The following ARID1B variants were observed in gnomAD, a reference collection of about 807,000 sequenced individuals.
The protein encoded by ARID1B is AT-rich interaction domain 1B, also known as AT-rich interactive domain-containing protein 1B.
Under a neutral mutation model 212.3 loss-of-function variants are expected in ARID1B, and 30 were observed. The observed-to-expected ratio is 0.14, with a 90% CI of 0.11 to 0.19. The LOEUF is 0.19. Ranked by LOEUF, ARID1B falls within the 10% of genes least tolerant of loss-of-function variation. ARID1B has a pLI of 1.00. For synonymous variants in ARID1B, 1,402 were observed against 1,301.7 expected, an observed-to-expected ratio of 1.08 and a Z score of -1.66; for missense variants, 2,891 against 3,204.0, an observed-to-expected ratio of 0.90 and a Z score of 2.36.
At chr6:156,892,043 C>CTTTTTTTTTTTTTTTTT (rs1047406340) in intron 2 of ARID1B, among the ~76,000 whole-genome samples, 1 of 115,168 alleles carries the variant, frequency 8.7e-6, no homozygotes, top group Non-Finnish European at 1.8e-5. Context: ...AGCGAATTTT[C>CTTTTTTTTTTTTTTTTT]TTTTTTTTTT....
chr6:156,992,430 C>G (rs191492006), intron 4 of ARID1B, among the ~76,000 whole-genome samples: 3 of 152,300 alleles, frequency 2.0e-5, no homozygotes, highest in Middle Eastern at 3.4e-3. Context: ...TTATCACAGC[C>G]TCTGAATTTA....
At chr6:156,793,459 G>GT (rs1780149666) in intron 1 of ARID1B, among the ~76,000 whole-genome samples, 1 of 152,060 alleles carries the variant, frequency 6.6e-6, no homozygotes, top group African/African-American at 2.4e-5. Flanking sequence ...GCTCAGCCTC[G>GT]TGAGTATCTG....
chr6:157,075,475 G>A (rs756492154), intron 4 of ARID1B, among the ~76,000 whole-genome samples: 6 of 152,150 alleles, frequency 3.9e-5, no homozygotes, highest in Non-Finnish European at 2.9e-5. Context: ...TTCTTGTCTG[G>A]TTTTTACATA....
At chr6:157,127,615 C>CA (rs879895447) in intron 6 of ARID1B, among the ~76,000 whole-genome samples, 3,115 of 142,456 alleles carry the variant, frequency 0.022, 36 homozygotes, top group African/African-American at 0.036. Context: ...ACTAAAAATA[C>CA]AAAAAAAAAA....
At chr6:156,786,612 G>A (rs1779648065) in intron 1 of ARID1B, among the ~76,000 whole-genome samples, 1 of 152,160 alleles carries the variant, frequency 6.6e-6, no homozygotes, top group Non-Finnish European at 1.5e-5. Context: ...TTACTTAAGA[G>A]CTTGTACTGG....
At chr6:156,817,632 T>TAAAA (rs551182557) in intron 1 of ARID1B, among the ~76,000 whole-genome samples, 5 of 147,528 alleles carry the variant, frequency 3.4e-5, no homozygotes, top group African/African-American at 1.2e-4. Context: ...GTCTGACTCT[T>TAAAA]AAAAAAAAAA....
intron 15 of ARID1B, among the ~76,000 whole-genome samples, chr6:157,191,410 G>A (rs534111369): frequency 5.3e-5 from 8 of 152,158 alleles, no homozygotes; most frequent in East Asian, 1.9e-4. Context: ...GGTGTGTCCC[G>A]GTGGTAAGGC....
chr6:156,872,530 A>G (rs1554261957), intron 2 of ARID1B, among the ~76,000 whole-genome samples: 1 of 152,108 alleles, frequency 6.6e-6, no homozygotes, highest in Non-Finnish European at 1.5e-5. Flanking sequence ...CATGTTGGCC[A>G]GGCTGGTGTT....
chr6:157,094,937 G>A lies in ARID1B; in HGVS notation c.2491+10032G>A, dbSNP rs1785511378. Reference sequence around the variant, plus strand: ...AAGACAGAGGAACACGTTTTTGAAGGGGAATCGAGAGTTTGGTTTTAAACA... The same window carrying A: ...AAGACAGAGGAACACGTTTTTGAAGAGGAATCGAGAGTTTGGTTTTAAACA... On this transcript the variant is annotated intron_variant, in intron 5 of 19. Coordinates refer to ENST00000636930, the MANE Select transcript of ARID1B (RefSeq NM_001374828.1). This position sits in a 1 kb window ranked among gnomAD's most constrained non-coding sequence, Gnocchi z 4.3. Among the ~76,000 whole-genome samples the A allele has an allele frequency of 6.6e-6, 1 of 152,164 alleles. No homozygotes were observed. The highest frequency in any genetic ancestry group is 1.5e-5 in the Non-Finnish European group (1 of 68,034).
At chr6:157,157,705 C>T (rs962685239) in intron 8 of ARID1B, among the ~76,000 whole-genome samples, 4 of 152,138 alleles carry the variant, frequency 2.6e-5, no homozygotes, top group Non-Finnish European at 4.4e-5. Flanking sequence ...TTTTGAACTC[C>T]ATTTCTGCCA....
chr6:157,004,381 C>T (rs1377368720), intron 4 of ARID1B, among the ~76,000 whole-genome samples: 2 of 152,208 alleles, frequency 1.3e-5, no homozygotes, highest in Admixed American at 1.3e-4. Flanking sequence ...TTTTGCAGCC[C>T]TGAAATGTTA....
intron 2 of ARID1B, among the ~76,000 whole-genome samples, chr6:156,863,130 A>G (rs1785449531): frequency 6.6e-6 from 1 of 152,160 alleles, no homozygotes; most frequent in Admixed American, 6.5e-5. Context: ...ATGTTAGGTC[A>G]CTTTTTAACC....
At chr6:156,847,612 A>G (rs1784316621) in intron 2 of ARID1B, among the ~76,000 whole-genome samples, 1 of 152,140 alleles carries the variant, frequency 6.6e-6, no homozygotes, top group Admixed American at 6.5e-5. Context: ...ATGAGAGCAG[A>G]TATATTTTAA....
At chr6:156,861,188 G>A (rs1340176875) in intron 2 of ARID1B, among the ~76,000 whole-genome samples, 1 of 152,210 alleles carries the variant, frequency 6.6e-6, no homozygotes, top group Non-Finnish European at 1.5e-5. Flanking sequence ...TGGTGGTGGG[G>A]AGGGGGGACA....
Position 157,207,862 on chromosome 6 carries a change from G to A in ARID1B, c.7090G>A (p.Asp2364Asn). 1 of 1,508,744 alleles carries A rather than the reference G, an allele frequency of 6.6e-7. No homozygotes were observed. Among genetic ancestry groups the A allele is most frequent in the South Asian group, 1.4e-5 (1 of 73,688 alleles). 93.5% of individuals were successfully genotyped at this position (1,508,744 alleles called of 1,614,324 possible). The change falls in exon 20 of 20, where the codon GAT becomes AAT. Residue 2364 changes from aspartate (D) to asparagine (N), a missense_variant. Physicochemically the swap from Asp to Asn is conservative, Grantham distance 23. Coordinates refer to ENST00000636930, the MANE Select transcript of ARID1B (RefSeq NM_001374828.1). The surrounding 1 kb of genome is among the most constrained non-coding windows in gnomAD (Gnocchi z 8.5). Reference sequence around the variant, plus strand: ...CTCTCTGGTTGCATCTGTCATCTGTGATGTACTGTTTCAGATTGGGCAGTT... The same window carrying A: ...CTCTCTGGTTGCATCTGTCATCTGTAATGTACTGTTTCAGATTGGGCAGTT... Reference protein sequence around the residue: ...LNSLVASVICDVLFQIGQL With the variant: ...LNSLVASVICNVLFQIGQL
chr6:157,165,445 T>C (rs1393747714), intron 8 of ARID1B, among the ~76,000 whole-genome samples: 1 of 152,246 alleles, frequency 6.6e-6, no homozygotes, highest in Non-Finnish European at 1.5e-5. Flanking sequence ...AGTAGACCAG[T>C]TATGGCTTTG....
At chr6:157,188,380 G>A (rs1160802426) in intron 13 of ARID1B, among the ~76,000 whole-genome samples, 1 of 152,132 alleles carries the variant, frequency 6.6e-6, no homozygotes, top group African/African-American at 2.4e-5. Flanking sequence ...ACCTCATCTG[G>A]CTAGGAATGT....
At chr6:156,940,109 TAGG>T (rs1416432307) in intron 4 of ARID1B, 1 of 152,208 alleles carries the variant, frequency 6.6e-6, no homozygotes, top group Non-Finnish European at 1.5e-5. Flanking sequence ...GTATTTCAGA[TAGG>T]AGGTTCATTA....
chr6:156,944,319 G>C (rs1227747223), intron 4 of ARID1B, among the ~76,000 whole-genome samples: 1 of 152,112 alleles, frequency 6.6e-6, no homozygotes, highest in African/African-American at 2.4e-5. Context: ...AACTTATTGA[G>C]GGATTTGGGG....
Sources: gnomAD v4.1 joint callset for allele counts (sites outside exome capture counted in the v4.1 genomes callset) on GRCh38, gnomAD v4.1.1 for gene constraint, Gnocchi (gnomAD v3.1) non-coding constraint, MANE v1.5 for transcripts, NCBI Gene and HGNC (gene_info 2026-07-23, HGNC 2026-07-21) for gene names.